Variants in KCNIP1 observed in about 807,000 individuals in gnomAD.
KCNIP1 encodes the protein A-type potassium channel modulatory protein KCNIP1.
In KCNIP1, 18 loss-of-function variants were observed where a neutral mutation model predicts 33.0. The ratio of observed to expected loss-of-function variants is 0.55; its 90% confidence interval spans 0.38 to 0.81. The LOEUF is 0.81. Ranked by LOEUF, KCNIP1 falls within the 30% of genes least tolerant of loss-of-function variation. The probability of loss-of-function intolerance (pLI) is 0.00; values close to 1 mark genes in which losing one functional copy is unlikely to be tolerated. For synonymous variants in KCNIP1, 93 were observed against 98.3 expected (o/e 0.95, Z 0.32); for missense variants, 238 against 271.6 (o/e 0.88, Z 0.87).
rs1000567441 is a variant in KCNIP1 at position 170,522,643 on chromosome 5, A to G, written c.61+18010A>G. Among the ~76,000 whole-genome samples the G allele has an allele frequency of 2.0e-5, 3 of 152,268 alleles. No individual in the cohort carries two copies. In the South Asian group the frequency reaches 6.2e-4, roughly 32 times the overall value. On this transcript the variant is annotated intron_variant, in intron 1 of 7. Transcript: ENST00000328939. ...AATGCCACCTTGTGAGGTCTTTGGG[A>G]CACAGCCAGCAGCCTCCCCAGGGCA...
At chr5:170,378,841 G>C in intron 1 of KCNIP1, 2 of 1,614,262 alleles carry the variant, frequency 1.2e-6, no homozygotes, top group Non-Finnish European at 1.7e-6. Context: ...CGCTGGAATA[G>C]GACGCTGGTT....
At chr5:170,598,920 T>TGTGTGTGTGTGTGTGCGC (rs1758577380) in intron 1 of KCNIP1, among the ~76,000 whole-genome samples, 1 of 150,082 alleles carries the variant, frequency 6.7e-6, no homozygotes, top group African/African-American at 2.4e-5. Context: ...TGTGTGTGTG[T>TGTGTGTGTGTGTGTGCGC]GTGTGTGTGT....
At chr5:170,439,777 T>C (rs1296212042) in intron 1 of KCNIP1, among the ~76,000 whole-genome samples, 1 of 152,180 alleles carries the variant, frequency 6.6e-6, no homozygotes, top group Non-Finnish European at 1.5e-5. Context: ...CACAACTCAG[T>C]CATGGGACAC....
intron 1 of KCNIP1, among the ~76,000 whole-genome samples, chr5:170,436,530 C>T (rs774780637): frequency 7.2e-5 from 11 of 152,322 alleles, no homozygotes; most frequent in Non-Finnish European, 1.0e-4. Context: ...ACGGAAACCC[C>T]GAGAGCTGGC....
In KCNIP1 at chr5:170,468,421, C is replaced by T. The variant is rs529713835; in HGVS notation, c.88+114457C>T. 8.9e-4 allele frequency among the ~76,000 whole-genome samples: 135 copies of T among 152,210 alleles called. 3 individuals are homozygous for T. The South Asian group carries it at 0.027, about 30-fold the overall frequency. ...AGACCTATAAATAAATAATAAGATT[C>T]GTAAGCTGAATTTCAAAGCTTATGG... is the stretch of plus-strand genomic sequence containing the variant. On this transcript the variant is annotated intron_variant, in intron 1 of 7. Coordinates refer to the KCNIP1 transcript ENST00000377360.
chr5:170,390,538 A>ATATATATATATATATATATATATT (rs1554088948), intron 1 of KCNIP1, among the ~76,000 whole-genome samples: 16 of 131,194 alleles, frequency 1.2e-4, no homozygotes, highest in Non-Finnish European at 2.3e-4. Flanking sequence ...ATATATATAT[A>ATATATATATATATATATATATATT]TTTTCAACAA....
At chr5:170,503,761 CACAT>C (rs1208212597), upstream of KCNIP1, among the ~76,000 whole-genome samples, 31 of 143,854 alleles carry the variant, frequency 2.2e-4, no homozygotes, top group African/African-American at 5.9e-4. Context: ...CACACACACA[CACAT>C]ACACACACAC....
At chr5:170,354,493 C>T (rs1763293399) in intron 1 of KCNIP1, among the ~76,000 whole-genome samples, 1 of 152,200 alleles carries the variant, frequency 6.6e-6, no homozygotes, top group East Asian at 1.9e-4. Flanking sequence ...GTTCCAGCGT[C>T]TCGTGCTTCT....
At chr5:170,645,624 G>A (rs1168429368) in intron 1 of KCNIP1, among the ~76,000 whole-genome samples, 1 of 152,166 alleles carries the variant, frequency 6.6e-6, no homozygotes, top group African/African-American at 2.4e-5. Flanking sequence ...TTAACTGGAT[G>A]TAATTGACAT....
At chr5:170,577,953 G>T (rs1258752611) in intron 1 of KCNIP1, among the ~76,000 whole-genome samples, 1 of 151,932 alleles carries the variant, frequency 6.6e-6, no homozygotes, top group Non-Finnish European at 1.5e-5. Context: ...ACAATTTTTT[G>T]CTATCCTAAA....
At chr5:170,398,274 C>G (rs1754810244) in intron 1 of KCNIP1, among the ~76,000 whole-genome samples, 1 of 152,124 alleles carries the variant, frequency 6.6e-6, no homozygotes, top group Non-Finnish European at 1.5e-5. Context: ...TTTTGGTTTA[C>G]GAATGTTTGC....
chr5:170,580,048 T>A (rs1757735795), intron 1 of KCNIP1, among the ~76,000 whole-genome samples: 2 of 152,068 alleles, frequency 1.3e-5, no homozygotes, highest in Admixed American at 1.3e-4. Flanking sequence ...TGTAGCCTTC[T>A]CTGTTCTAAA....
chr5:170,509,317 C>G (rs1256461858), intron 1 of KCNIP1, among the ~76,000 whole-genome samples: 1 of 152,152 alleles, frequency 6.6e-6, no homozygotes. Flanking sequence ...TCTGGTCCCT[C>G]AATCCCAGAA....
chr5:170,463,799 T>C (rs990153431), intron 1 of KCNIP1, among the ~76,000 whole-genome samples: 1 of 152,184 alleles, frequency 6.6e-6, no homozygotes, highest in African/African-American at 2.4e-5. Context: ...TATTAAATAT[T>C]GTACTGGAAG....
chr5:170,700,558 G>A (rs181781936), intron 1 of KCNIP1, among the ~76,000 whole-genome samples: 3 of 152,244 alleles, frequency 2.0e-5, no homozygotes, highest in Admixed American at 2.0e-4. Flanking sequence ...AACAGAGTGA[G>A]ACCCTGTCTC....
intron 1 of KCNIP1, among the ~76,000 whole-genome samples, chr5:170,475,933 AG>A (rs1756848882): frequency 6.6e-6 from 1 of 152,004 alleles, no homozygotes; most frequent in Non-Finnish European, 1.5e-5. Context: ...TTCTGGGGTC[AG>A]GGAGAAGAAA....
At chr5:170,672,747 G>A (rs945479208) in intron 1 of KCNIP1, among the ~76,000 whole-genome samples, 12 of 152,198 alleles carry the variant, frequency 7.9e-5, no homozygotes, top group Admixed American at 6.5e-4. Context: ...CAGGAGGGAG[G>A]GGGGCAGAAA....
intron 1 of KCNIP1, among the ~76,000 whole-genome samples, chr5:170,571,520 T>A (rs1029274838): frequency 6.6e-6 from 1 of 152,222 alleles, no homozygotes; most frequent in Admixed American, 6.5e-5. Flanking sequence ...CTCCTAGGTA[T>A]TTTTCCCCTA....
chr5:170,535,395 G>T (rs1755948707), intron 1 of KCNIP1, among the ~76,000 whole-genome samples: 1 of 152,190 alleles, frequency 6.6e-6, no homozygotes, highest in African/African-American at 2.4e-5. Context: ...AAGGCCAGCA[G>T]CTTCTGCAGG....
Sources: allele counts gnomAD v4.1 joint callset (sites outside exome capture counted in the v4.1 genomes callset), GRCh38; gene constraint gnomAD v4.1.1; transcripts MANE v1.5; gene names NCBI Gene and HGNC (gene_info 2026-07-23, HGNC 2026-07-21).